MAN1A1: variants seen among roughly 807,000 people sequenced by gnomAD.
MAN1A1 encodes mannosidase alpha class 1A member 1.
Under a neutral mutation model 70.8 loss-of-function variants are expected in MAN1A1, and 29 were observed. The ratio of observed to expected loss-of-function variants is 0.41; its 90% CI spans 0.31 to 0.56. MAN1A1 has a LOEUF of 0.56. Ranked by LOEUF, MAN1A1 falls within the 20% of genes least tolerant of loss-of-function variation. MAN1A1 has a pLI of 0.29. For missense variants in MAN1A1, 747 were observed against 841.3 expected (o/e 0.89, Z 1.39); for synonymous variants, 349 against 330.1 (o/e 1.06, Z -0.62).
chr6:119,298,967 A>T (rs1772309550), intron 4 of MAN1A1, among the ~76,000 whole-genome samples: 1 of 152,080 alleles, frequency 6.6e-6, no homozygotes, highest in African/African-American at 2.4e-5. Context: ...CTAAAATATA[A>T]GTAATAATAT....
In MAN1A1 at chr6:119,209,345, A is replaced by G. The variant is rs191372296; in HGVS notation, c.993-4463T>C. ...GCAAAATGGGAAATGAACCAAAAAT[A>G]ATTTTCTTGAGAATTCTGGTTTGAA... is the stretch of plus-strand genomic sequence containing the variant. On this transcript the variant is annotated intron_variant, in intron 6 of 12. Coordinates refer to ENST00000368468, the MANE Select transcript of MAN1A1 (RefSeq NM_005907.4). Among the ~76,000 whole-genome samples the G allele has an allele frequency of 2.4e-3, 361 of 152,320 alleles. 1 individual carries two copies. The highest frequency in any genetic ancestry group is 2.5e-3 in the Non-Finnish European group (169 of 68,022).
At chr6:119,277,567 G>A (rs1776101359) in intron 5 of MAN1A1, among the ~76,000 whole-genome samples, 1 of 152,042 alleles carries the variant, frequency 6.6e-6, no homozygotes, top group African/African-American at 2.4e-5. Flanking sequence ...CACATCTATA[G>A]TCCTAGCACT....
chr6:119,325,283 T>A (rs1334945733), intron 2 of MAN1A1, among the ~76,000 whole-genome samples: 2 of 135,224 alleles, frequency 1.5e-5, no homozygotes, highest in Non-Finnish European at 1.7e-5. Flanking sequence ...GGCTCTAGAG[T>A]TTTTGCTCCT....
chr6:119,281,951 A>G (rs1028213056), intron 5 of MAN1A1, among the ~76,000 whole-genome samples: 1 of 152,036 alleles, frequency 6.6e-6, no homozygotes, highest in African/African-American at 2.4e-5. Flanking sequence ...AATCCCAGCT[A>G]CTCGGGAGGC....
At chr6:119,216,412 A>G (rs1774204638) in intron 6 of MAN1A1, among the ~76,000 whole-genome samples, 1 of 152,210 alleles carries the variant, frequency 6.6e-6, no homozygotes, top group African/African-American at 2.4e-5. Context: ...AAGAGTTGTC[A>G]GGAAGAATTG....
intron 2 of MAN1A1, among the ~76,000 whole-genome samples, chr6:119,324,415 G>C (rs1773095139): frequency 6.6e-6 from 1 of 152,108 alleles, no homozygotes; most frequent in Non-Finnish European, 1.5e-5. Context: ...TAAGTTTGGG[G>C]GGGAATCGAA....
chr6:119,346,688 C>T (rs1773737951), intron 2 of MAN1A1, among the ~76,000 whole-genome samples: 1 of 152,230 alleles, frequency 6.6e-6, no homozygotes, highest in Non-Finnish European at 1.5e-5. Flanking sequence ...GCTCTGAATG[C>T]ACTTGTAATC....
intron 5 of MAN1A1, among the ~76,000 whole-genome samples, chr6:119,264,649 G>A (rs1018247190): frequency 6.6e-6 from 1 of 152,150 alleles, no homozygotes; most frequent in Non-Finnish European, 1.5e-5. Context: ...AAGAGCATTA[G>A]AATGAAAAGA....
chr6:119,275,842 G>A (rs896222977), intron 5 of MAN1A1, among the ~76,000 whole-genome samples: 8 of 152,188 alleles, frequency 5.3e-5, no homozygotes, highest in South Asian at 2.1e-4. Flanking sequence ...CACTGGTTTT[G>A]GGAATAATAT....
intron 4 of MAN1A1, among the ~76,000 whole-genome samples, chr6:119,297,832 G>A (rs1260958164): frequency 2.7e-5 from 4 of 148,808 alleles, no homozygotes; most frequent in Admixed American, 2.0e-4. Context: ...AGATGGCGGC[G>A]GTGGGGAGGG....
intron 2 of MAN1A1, among the ~76,000 whole-genome samples, chr6:119,331,597 A>ATATG: frequency 6.8e-6 from 1 of 146,456 alleles, no homozygotes; most frequent in East Asian, 2.0e-4. Context: ...ATATATATAT[A>ATATG]TAATCAAGGG....
At chr6:119,330,998 C>A (rs963397176) in intron 2 of MAN1A1, among the ~76,000 whole-genome samples, 3 of 152,146 alleles carry the variant, frequency 2.0e-5, no homozygotes, top group South Asian at 2.1e-4. Context: ...TTACTGTCAT[C>A]TCTCCAGTGC....
intron 11 of MAN1A1, among the ~76,000 whole-genome samples, chr6:119,182,422 T>C (rs763710467): frequency 5.9e-5 from 9 of 152,206 alleles, no homozygotes; most frequent in African/African-American, 1.2e-4. Flanking sequence ...CAAAAAATCA[T>C]TGCCAAGCTC....
chr6:119,188,760 C>T (rs951648257), intron 10 of MAN1A1, among the ~76,000 whole-genome samples, 183 bp from the exon 11 acceptor site: 33 of 152,256 alleles, frequency 2.2e-4, no homozygotes, highest in African/African-American at 7.0e-4. Context: ...GCAAAGTATT[C>T]GCATACAACC....
At chr6:119,272,949 C>A (rs1037924231) in intron 5 of MAN1A1, among the ~76,000 whole-genome samples, 1 of 151,944 alleles carries the variant, frequency 6.6e-6, no homozygotes, top group Non-Finnish European at 1.5e-5. Flanking sequence ...AAATAAACAA[C>A]CTTCTAAGAT....
At chr6:119,219,666 G>T (rs533364116) in intron 6 of MAN1A1, among the ~76,000 whole-genome samples, 52 of 149,830 alleles carry the variant, frequency 3.5e-4, no homozygotes, top group African/African-American at 1.3e-3. Flanking sequence ...CTTGGAGATA[G>T]AATTGTAACA....
At chr6:119,231,695 T>C (rs1219579632) in intron 6 of MAN1A1, among the ~76,000 whole-genome samples, 1 of 152,052 alleles carries the variant, frequency 6.6e-6, no homozygotes, top group African/African-American at 2.4e-5. Flanking sequence ...TGGGGGGAAA[T>C]GCTTTCACTC....
chr6:119,350,455 C>T (rs1773883109), upstream of MAN1A1: 1 of 816,038 alleles, frequency 1.2e-6, no homozygotes, highest in South Asian at 5.6e-5. Flanking sequence ...GCCCTTTCTT[C>T]CCCCAAAAAA....
At chr6:119,347,822 C>A (rs926196520) in intron 2 of MAN1A1, among the ~76,000 whole-genome samples, 1 of 152,236 alleles carries the variant, frequency 6.6e-6, no homozygotes, top group Admixed American at 6.5e-5. Flanking sequence ...CATTGTGCTG[C>A]TGTGGAGGCA....
Sources: allele counts gnomAD v4.1 joint callset (sites outside exome capture counted in the v4.1 genomes callset), GRCh38; gene constraint gnomAD v4.1.1; transcripts MANE v1.5; gene names NCBI Gene and HGNC (gene_info 2026-07-23, HGNC 2026-07-21).